RNF24: variants seen among roughly 807,000 people sequenced by gnomAD.
RNF24 encodes ring finger protein 24.
A neutral mutation model predicts 20.0 loss-of-function variants in RNF24; 14 were observed. The ratio of observed to expected loss-of-function variants is 0.70; its 90% CI spans 0.46 to 1.10. The LOEUF (loss-of-function observed/expected upper bound fraction) is 1.10. Among genes scored for constraint, RNF24 ranks in the 50% least tolerant of loss-of-function variants. RNF24 has a pLI of 0.00. For missense variants in RNF24, 124 were observed against 177.6 expected (o/e 0.70, Z 1.71); for synonymous variants, 45 against 61.1 (o/e 0.74, Z 1.23).
chr20:3,934,324 T>G lies in RNF24; in HGVS notation c.309-123A>C. 2.2e-6 allele frequency: 2 copies of G among 925,684 alleles called. No individual in the cohort carries two copies. The highest frequency in any genetic ancestry group is 3.1e-6 in the Non-Finnish European group (2 of 648,162). 57.3% of individuals were successfully genotyped at this position (925,684 alleles called of 1,614,324 possible). A position where few individuals can be genotyped will look rare whatever the true frequency, so the allele number is the denominator to read the frequency against. Reference sequence around the variant, plus strand: ...TGCTGTATGGTCCAAGGAGCTCCCCTCCTAGGTGGTGAACGGATGTCACCC... The same window carrying G: ...TGCTGTATGGTCCAAGGAGCTCCCCGCCTAGGTGGTGAACGGATGTCACCC... On this transcript the variant is annotated intron_variant, in intron 5 of 5. Coordinates refer to ENST00000358395, the MANE Select transcript of RNF24 (RefSeq NM_001134337.3). This position sits in a 1 kb window ranked among gnomAD's most constrained non-coding sequence, Gnocchi z 4.0.
chr20:3,975,139 A>G (rs1978756488), intron 1 of RNF24, among the ~76,000 whole-genome samples: 1 of 152,226 alleles, frequency 6.6e-6, no homozygotes, highest in Non-Finnish European at 1.5e-5. Context: ...GAAATGTGCA[A>G]TCCTTTCTCA....
chr20:3,978,871 C>T (rs1027210570), intron 1 of RNF24, among the ~76,000 whole-genome samples: 3 of 151,668 alleles, frequency 2.0e-5, no homozygotes, highest in Admixed American at 6.6e-5. Context: ...TTTGGGAGGC[C>T]GAGGTGGGTG....
intron 1 of RNF24, among the ~76,000 whole-genome samples, chr20:3,987,396 C>T (rs996494149): frequency 6.6e-6 from 1 of 152,122 alleles, no homozygotes; most frequent in Non-Finnish European, 1.5e-5. Flanking sequence ...TGATTTAGTT[C>T]CCAAGAAAAC....
chr20:3,987,267 T>G (rs1189201660), intron 1 of RNF24, among the ~76,000 whole-genome samples: 2 of 152,098 alleles, frequency 1.3e-5, no homozygotes, highest in African/African-American at 4.8e-5. Context: ...AGGTTGAAAT[T>G]TACATCATAA....
Position 3,947,916 on chromosome 20 carries a change from C to CA in RNF24, c.186+320dup, listed in dbSNP as rs1461677140. Among the ~76,000 whole-genome samples the CA allele has an allele frequency of 2.0e-5, 3 of 151,910 alleles. No homozygotes were observed. The South Asian group carries it at 6.2e-4, about 32-fold the overall frequency. ...ACAAAATTAGCCAGGCGTGGTGGCG[C>CA]ATGCCTGTAATCCCAGCTACTTGGG... is the stretch of plus-strand genomic sequence containing the variant. On this transcript the variant is annotated intron_variant, in intron 3 of 5. Coordinates refer to ENST00000358395, the MANE Select transcript of RNF24 (RefSeq NM_001134337.3).
intron 1 of RNF24, among the ~76,000 whole-genome samples, chr20:4,000,557 TCTC>T (rs1479396872): frequency 4.6e-5 from 7 of 151,984 alleles, no homozygotes; most frequent in Non-Finnish European, 1.0e-4. Context: ...GCATATATAA[TCTC>T]CTTAAAAGTT....
At chr20:3,986,445 G>GTA (rs1979916329) in intron 1 of RNF24, among the ~76,000 whole-genome samples, 1 of 151,966 alleles carries the variant, frequency 6.6e-6, no homozygotes, top group Non-Finnish European at 1.5e-5. Context: ...TTGTAGAGAT[G>GTA]GGGTTTAACC....
intron 4 of RNF24, among the ~76,000 whole-genome samples, chr20:3,940,379 G>A (rs2090940763): frequency 1.4e-5 from 2 of 146,862 alleles, no homozygotes; most frequent in African/African-American, 5.1e-5. Flanking sequence ...CAGAACACTG[G>A]AAATTACTCA....
intron 1 of RNF24, among the ~76,000 whole-genome samples, chr20:3,995,525 C>T (rs528932810): frequency 3.3e-5 from 5 of 152,286 alleles, no homozygotes; most frequent in Admixed American, 2.0e-4. Flanking sequence ...ATTCTACAGC[C>T]ACAAAACAGC....
At chr20:3,953,028 AG>A (rs1308184163) in intron 2 of RNF24, among the ~76,000 whole-genome samples, 1 of 152,194 alleles carries the variant, frequency 6.6e-6, no homozygotes, top group Non-Finnish European at 1.5e-5. Flanking sequence ...TGAGCTGAGA[AG>A]TATTTGTTCC....
chr20:3,964,568 G>A (rs1156949009), intron 1 of RNF24, among the ~76,000 whole-genome samples: 2 of 151,962 alleles, frequency 1.3e-5, no homozygotes, highest in Non-Finnish European at 2.9e-5. Context: ...GTCACCCCAG[G>A]CTGGAGTGCA....
chr20:4,007,647 G>A (rs1328721499), intron 1 of RNF24, among the ~76,000 whole-genome samples: 2 of 147,278 alleles, frequency 1.4e-5, no homozygotes, highest in Non-Finnish European at 3.0e-5. Context: ...GCTCCTGCCT[G>A]TAATCCTAGC....
At chr20:3,956,054 C>T (rs955612492) in intron 2 of RNF24, among the ~76,000 whole-genome samples, 1 of 151,914 alleles carries the variant, frequency 6.6e-6, no homozygotes, top group Admixed American at 6.6e-5. Flanking sequence ...GGGATTTTCT[C>T]TGTATAGGAT....
chr20:3,946,693 CA>C (rs59440287), intron 3 of RNF24, among the ~76,000 whole-genome samples: 34,692 of 104,240 alleles, frequency 0.33, 4,509 homozygotes, highest in Non-Finnish European at 0.41. Context: ...GAGACCCCGT[CA>C]AAAAAAAAAA....
chr20:3,945,204 C>A lies in RNF24; in HGVS notation c.201G>T (p.Glu67Asp), dbSNP rs757445615. Residue 67 changes from glutamate (E) to aspartate (D), a missense_variant, in exon 4 of 6, where the codon GAG (glutamate) becomes GAT (aspartate). Transcript: ENST00000358395. ...FYAYKQVILK[E>D]KVKELNLHEL... The stretch of plus-strand genomic sequence containing the variant: ...CATGTAAATTCAATTCTTTTACTTT[C>A]TCTTTTAATATAACCTGTAAGACAA... 1.3e-6 allele frequency: 2 copies of A among 1,596,308 alleles called. No individual in the cohort carries two copies. The highest frequency in any genetic ancestry group is 1.8e-5 in the Admixed American group (1 of 56,106).
chr20:3,973,101 G>A (rs2147007868), intron 1 of RNF24, among the ~76,000 whole-genome samples: 1 of 152,154 alleles, frequency 6.6e-6, no homozygotes, highest in South Asian at 2.1e-4. Context: ...TACTCGGGAG[G>A]CTGAGGCAGG....
In RNF24 at chr20:3,932,965, G is replaced by A. The variant is rs1240249284; in HGVS notation, c.*1098C>T. Reference sequence around the variant, plus strand: ...ACACCAACGGTGGACAGCCCTGCAGGAGCTTCCTGAAACTATCTACAATTC... The same window carrying A: ...ACACCAACGGTGGACAGCCCTGCAGAAGCTTCCTGAAACTATCTACAATTC... On this transcript the variant is annotated 3_prime_UTR_variant, in exon 6 of 6. Transcript: ENST00000358395. 1 of 398,168 alleles carries A rather than the reference G, an allele frequency of 2.5e-6. No individual in the cohort carries two copies. Among genetic ancestry groups the A allele is most frequent in the Non-Finnish European group, 4.4e-6 (1 of 226,034 alleles). 24.7% of individuals were successfully genotyped at this position (398,168 alleles called of 1,614,324 possible).
At chr20:3,979,195 A>G (rs952989120) in intron 1 of RNF24, among the ~76,000 whole-genome samples, 1 of 151,916 alleles carries the variant, frequency 6.6e-6, no homozygotes, top group African/African-American at 2.4e-5. Flanking sequence ...TTAACAAAGA[A>G]AACACCTTTT....
chr20:3,949,213 C>T lies in RNF24; in HGVS notation c.144-934G>A, dbSNP rs1044297452. On this transcript the variant is annotated intron_variant, in intron 2 of 5. Coordinates refer to ENST00000358395, the MANE Select transcript of RNF24 (RefSeq NM_001134337.3). ...TGGTCAACAGGGAGAAACCCCGAAT[C>T]TACTAAAAATACAAAAATTAGCCAG... is the stretch of plus-strand genomic sequence containing the variant. Among the ~76,000 whole-genome samples the T allele has an allele frequency of 3.9e-5, 6 of 151,980 alleles. No homozygotes were observed. The South Asian group carries it at 1.2e-3, about 32-fold the overall frequency.
Sources: gnomAD v4.1 joint callset for allele counts (sites outside exome capture counted in the v4.1 genomes callset) on GRCh38, gnomAD v4.1.1 for gene constraint, Gnocchi (gnomAD v3.1) non-coding constraint, MANE v1.5 for transcripts, NCBI Gene and HGNC (gene_info 2026-07-23, HGNC 2026-07-21) for gene names.